The following TOP1MT variants were observed in gnomAD, a reference collection of about 807,000 sequenced individuals.
TOP1MT encodes DNA topoisomerase I, mitochondrial.
A neutral mutation model predicts 73.9 loss-of-function variants in TOP1MT; 80 were observed. That is an observed-to-expected ratio of 1.08 (90% CI 0.90 to 1.30). TOP1MT has a LOEUF of 1.30. Among genes scored for constraint, TOP1MT ranks in the 50% most tolerant of loss-of-function variants. The probability of loss-of-function intolerance (pLI) is 0.00; values close to 1 mark genes in which losing one functional copy is unlikely to be tolerated. For synonymous variants in TOP1MT, 338 were observed against 326.4 expected (o/e 1.04, Z -0.38); for missense variants, 815 against 808.0 (o/e 1.01, Z -0.10).
At chr8:143,332,500 G>A (rs1816885235) in intron 1 of TOP1MT, 3 of 1,289,256 alleles carry the variant, frequency 2.3e-6, no homozygotes, top group East Asian at 5.5e-5. Flanking sequence ...CCAGAGCCAG[G>A]AGACCTGCAC....
chr8:143,319,783 G>A (rs1033956154), intron 8 of TOP1MT, among the ~76,000 whole-genome samples: 13 of 151,568 alleles, frequency 8.6e-5, no homozygotes, highest in Non-Finnish European at 1.8e-4. Flanking sequence ...AAGTGTTCCC[G>A]AAATTCATAT....
chr8:143,353,203 C>T (rs1190658426), intron 1 of TOP1MT, among the ~76,000 whole-genome samples: 1 of 152,060 alleles, frequency 6.6e-6, no homozygotes, highest in Non-Finnish European at 1.5e-5. Flanking sequence ...TCACTTGAGC[C>T]CACAAGTTTG....
chr8:143,310,220 G>A lies in TOP1MT; in HGVS notation c.1554-3C>T, dbSNP rs764756100. 1.9e-6 allele frequency: 3 copies of A among 1,546,244 alleles called. No homozygotes were observed. The East Asian group carries it at 7.0e-5, about 36-fold the overall frequency. Reference sequence around the variant, plus strand: ...GCCGCCTCTTCTTCTCCAGGACACTGGCAAGAGAAGAGGAGGCCGCGAGGC... The same window carrying A: ...GCCGCCTCTTCTTCTCCAGGACACTAGCAAGAGAAGAGGAGGCCGCGAGGC... On this transcript the variant is annotated splice_region_variant and splice_polypyrimidine_tract_variant and intron_variant, in intron 12 of 13. Coordinates refer to ENST00000329245, the MANE Select transcript of TOP1MT (RefSeq NM_052963.3).
chr8:143,315,746 C>T lies in TOP1MT; in HGVS notation c.1534G>A (p.Gly512Arg), dbSNP rs1816141149. 1 of 1,614,104 alleles carries T rather than the reference C, an allele frequency of 6.2e-7. No individual in the cohort carries two copies. Among genetic ancestry groups the T allele is most frequent in the Non-Finnish European group, 8.5e-7 (1 of 1,180,006 alleles). ...ACTCACCTCCTGGACTTGCCATCCC[C>T]TTGGGCTTTGTGCTCAGCCCTCGCC... ...RRARAEHKAQ[G>R]DGKSRSVLEK... The change falls in exon 12 of 14, where the codon GGG (glycine) becomes AGG (arginine). Residue 512 changes from glycine (G) to arginine (R), a missense_variant. This residue lies in a region of TOP1MT where 751 missense variants were observed against 725.4 expected (regional missense o/e 1.04). Transcript: ENST00000329245.
intron 12 of TOP1MT, 134 bp downstream of exon 12, chr8:143,315,593 T>G (rs1480161828): frequency 4.7e-5 from 31 of 658,580 alleles, no homozygotes; most frequent in Non-Finnish European, 7.8e-5. Context: ...CTTTGTCTTG[T>G]GTCTTTATTT....
At chr8:143,336,722 C>T (rs1194094619), upstream of TOP1MT, among the ~76,000 whole-genome samples, 1 of 152,192 alleles carries the variant, frequency 6.6e-6, no homozygotes, top group East Asian at 1.9e-4. Flanking sequence ...GTAGCTCATG[C>T]CTGTAATCCA....
upstream of TOP1MT, chr8:143,334,989 G>A (rs1488620843): frequency 1.9e-6 from 2 of 1,072,282 alleles, no homozygotes; most frequent in Non-Finnish European, 2.3e-6. Context: ...CCAAGGCTGG[G>A]CGGTCTAAGC....
At chr8:143,342,078 A>AT in intron 2 of TOP1MT, among the ~76,000 whole-genome samples, 1 of 130,404 alleles carries the variant, frequency 7.7e-6, no homozygotes, top group South Asian at 2.2e-4. Flanking sequence ...TCGCTCTGTT[A>AT]TTATTATTAT....
Position 143,317,047 on chromosome 8 carries a change from G to A in TOP1MT, c.1330+676C>T, listed in dbSNP as rs753706747. Among the ~76,000 whole-genome samples, 5 of 152,248 alleles carry A rather than the reference G, an allele frequency of 3.3e-5. 1 individual carries two copies. Among genetic ancestry groups the A allele is most frequent in the Admixed American group, 1.3e-4 (2 of 15,290 alleles). On this transcript the variant is annotated intron_variant, in intron 10 of 13. Transcript: ENST00000329245. ...GCCTCTGAGGCCCACGGGTGCACGC[G>A]AAACACATGCCGAGCGTCAGCGCCC...
At chr8:143,349,291 C>G (rs1791999814), upstream of TOP1MT, among the ~76,000 whole-genome samples, 1 of 151,948 alleles carries the variant, frequency 6.6e-6, no homozygotes, top group African/African-American at 2.4e-5. Context: ...ACGGCACCTG[C>G]TCCCAGAGCC....
At chr8:143,335,321 C>G (rs1053440639), upstream of TOP1MT, among the ~76,000 whole-genome samples, 2 of 152,206 alleles carry the variant, frequency 1.3e-5, no homozygotes, top group African/African-American at 4.8e-5. Flanking sequence ...CTACCTCATC[C>G]CCTACAAACA....
chr8:143,335,100 C>T (rs1219518589), upstream of TOP1MT, among the ~76,000 whole-genome samples: 1 of 152,236 alleles, frequency 6.6e-6, no homozygotes, highest in Non-Finnish European at 1.5e-5. Context: ...GGGCGGGGAC[C>T]CAGATCCAAA....
intron 2 of TOP1MT, 134 bp from the exon 3 acceptor site, chr8:143,329,605 A>G: frequency 1.9e-6 from 2 of 1,060,122 alleles, no homozygotes; most frequent in Non-Finnish European, 2.7e-6. Context: ...TTCTTCTGTA[A>G]GTTCAGAAGC....
chr8:143,342,483 T>C, intron 2 of TOP1MT, among the ~76,000 whole-genome samples: 1 of 141,658 alleles, frequency 7.1e-6, no homozygotes, highest in African/African-American at 2.8e-5. Flanking sequence ...ATTATTATTA[T>C]TAGAGACAGA....
intron 12 of TOP1MT, among the ~76,000 whole-genome samples, chr8:143,311,173 T>C (rs1335516416): frequency 6.7e-6 from 1 of 148,258 alleles, no homozygotes; most frequent in East Asian, 2.0e-4. Flanking sequence ...TTCACCATGT[T>C]GGCCATGATG....
chr8:143,354,438 C>T (rs1817372826), intron 1 of TOP1MT, among the ~76,000 whole-genome samples: 1 of 152,098 alleles, frequency 6.6e-6, no homozygotes, highest in Non-Finnish European at 1.5e-5. Flanking sequence ...GTTAGCCGGG[C>T]GTGGTGGCTC....
rs1386476103 is a variant in TOP1MT at position 143,315,989 on chromosome 8, G to T, written c.1458+10C>A. 6 of 1,614,140 alleles carry T rather than the reference G, an allele frequency of 3.7e-6. No individual in the cohort carries two copies. Among genetic ancestry groups the T allele is most frequent in the Non-Finnish European group, 5.1e-6 (6 of 1,179,988 alleles). ...AGGGCTGGGCTGGGGGCTCTCCTGGGAGCTGCTACCTTCGTCTGGAGATTC... is the reference window on the plus strand; with the variant it reads ...AGGGCTGGGCTGGGGGCTCTCCTGGTAGCTGCTACCTTCGTCTGGAGATTC... On this transcript the variant is annotated intron_variant, in intron 11 of 13. Coordinates refer to ENST00000329245, the MANE Select transcript of TOP1MT (RefSeq NM_052963.3).
At chr8:143,322,959 C>CAG (rs1563760544) in intron 7 of TOP1MT, among the ~76,000 whole-genome samples, 1 of 119,956 alleles carries the variant, frequency 8.3e-6, no homozygotes. Context: ...ACGCCACACA[C>CAG]GCACGCCACA....
chr8:143,318,779 G>A (rs1000124488), intron 8 of TOP1MT, among the ~76,000 whole-genome samples: 3 of 152,094 alleles, frequency 2.0e-5, no homozygotes, highest in Non-Finnish European at 4.4e-5. Context: ...CTGGCACCAT[G>A]GCTGATGAAC....
Sources: gnomAD v4.1 joint callset for allele counts (sites outside exome capture counted in the v4.1 genomes callset) on GRCh38, gnomAD v4.1.1 for gene constraint, gnomAD v4.1.1 regional missense constraint, MANE v1.5 for transcripts, NCBI Gene and HGNC (gene_info 2026-07-23, HGNC 2026-07-21) for gene names.